Variants in TMEM108 observed in about 807,000 individuals in gnomAD.
TMEM108 encodes transmembrane protein 108, also known as cancer/testis antigen 124.
In TMEM108, 12 loss-of-function variants were observed where a neutral mutation model predicts 35.1. The ratio of observed to expected loss-of-function variants is 0.34; its 90% CI spans 0.22 to 0.55. TMEM108 has a LOEUF of 0.55. Among genes scored for constraint, TMEM108 ranks in the 20% least tolerant of loss-of-function variants. The pLI is 0.89. For missense variants in TMEM108, 680 were observed against 753.3 expected, an observed-to-expected ratio of 0.90 and a Z score of 1.14; for synonymous variants, 287 against 308.6, an observed-to-expected ratio of 0.93 and a Z score of 0.73.
At chr3:133,081,775 G>T (rs1943814071) in intron 2 of TMEM108, among the ~76,000 whole-genome samples, 1 of 152,190 alleles carries the variant, frequency 6.6e-6, no homozygotes, top group Non-Finnish European at 1.5e-5. Context: ...AAAAGAGTAG[G>T]TAGGGAAACT....
intron 3 of TMEM108, among the ~76,000 whole-genome samples, chr3:133,269,216 G>A (rs2107680800): frequency 6.6e-6 from 1 of 152,282 alleles, no homozygotes. Flanking sequence ...TATGCTGCTA[G>A]TTCTGCAAAG....
At chr3:133,072,003 G>A (rs146037545) in intron 2 of TMEM108, among the ~76,000 whole-genome samples, 3 of 152,202 alleles carry the variant, frequency 2.0e-5, no homozygotes, top group African/African-American at 7.2e-5. Context: ...GGTATATGAT[G>A]TAAGACAAGC....
intron 1 of TMEM108, among the ~76,000 whole-genome samples, chr3:133,039,717 C>G (rs761427901): frequency 2.0e-5 from 3 of 152,174 alleles, no homozygotes; most frequent in East Asian, 3.8e-4. Flanking sequence ...TTACTGTGTT[C>G]TGGACTTTCC....
At chr3:133,166,042 G>A (rs2107784561) in intron 2 of TMEM108, among the ~76,000 whole-genome samples, 1 of 152,336 alleles carries the variant, frequency 6.6e-6, no homozygotes, top group African/African-American at 2.4e-5. Context: ...CAATAAAGCT[G>A]TATTTATGGC....
At position 133,240,088 on chromosome 3, in the gene TMEM108, G is replaced by A. The variant is rs372345251; in HGVS notation, c.40+10737G>A. Among the ~76,000 whole-genome samples, 191 of 152,314 alleles carry A rather than the reference G, an allele frequency of 1.3e-3. 3 individuals carry two copies. In the South Asian group the frequency reaches 0.015, roughly 12 times the overall value. ...TGCTTATTGCAGCTGTCTCATTTTA[G>A]AACTTGATTTTATAAGACTTTTTTT... On this transcript the variant is annotated intron_variant, in intron 3 of 5. Coordinates refer to ENST00000321871, the MANE Select transcript of TMEM108 (RefSeq NM_023943.4).
At chr3:133,389,427 C>A (rs890663989) in intron 4 of TMEM108, 2 of 982,558 alleles carry the variant, frequency 2.0e-6, no homozygotes, top group African/African-American at 3.5e-5. Context: ...CACCTGTAAT[C>A]AATCCCAGCA....
At chr3:133,091,368 C>T (rs1463945936) in intron 2 of TMEM108, among the ~76,000 whole-genome samples, 1 of 152,154 alleles carries the variant, frequency 6.6e-6, no homozygotes, top group East Asian at 1.9e-4. Context: ...TAACCACAAA[C>T]CAGGCCAAGG....
intron 3 of TMEM108, among the ~76,000 whole-genome samples, chr3:133,241,034 G>A (rs1256818774): frequency 6.6e-6 from 1 of 151,770 alleles, no homozygotes; most frequent in African/African-American, 2.4e-5. Flanking sequence ...CATGAATTGG[G>A]GCTATTTTTA....
chr3:133,173,588 A>C (rs1159060940), intron 2 of TMEM108, among the ~76,000 whole-genome samples: 1 of 152,252 alleles, frequency 6.6e-6, no homozygotes, highest in African/African-American at 2.4e-5. Flanking sequence ...CACATTAATG[A>C]GGTAGCATGC....
chr3:133,325,781 G>GTA (rs146451604), intron 3 of TMEM108, among the ~76,000 whole-genome samples: 1,867 of 151,086 alleles, frequency 0.012, 15 homozygotes, highest in South Asian at 0.023. Flanking sequence ...GTATATGTGT[G>GTA]TATATATATG....
chr3:133,382,637 C>T (rs1033062513), intron 4 of TMEM108, among the ~76,000 whole-genome samples: 1 of 152,240 alleles, frequency 6.6e-6, no homozygotes, highest in Non-Finnish European at 1.5e-5. Context: ...GGCTTCAGGT[C>T]ATACATAGGC....
At chr3:133,048,042 T>C (rs914961633) in intron 2 of TMEM108, among the ~76,000 whole-genome samples, 2 of 152,148 alleles carry the variant, frequency 1.3e-5, no homozygotes, top group Non-Finnish European at 2.9e-5. Context: ...AAGGGCTTCA[T>C]GTTCTGGTTC....
At chr3:133,330,755 TG>T (rs2071384814) in intron 3 of TMEM108, among the ~76,000 whole-genome samples, 1 of 152,174 alleles carries the variant, frequency 6.6e-6, no homozygotes, top group African/African-American at 2.4e-5. Flanking sequence ...AAATTGCATC[TG>T]TTTTTTTAAT....
intron 3 of TMEM108, among the ~76,000 whole-genome samples, chr3:133,272,314 T>C (rs959692180): frequency 2.8e-5 from 4 of 141,788 alleles, no homozygotes; most frequent in Non-Finnish European, 4.8e-5. Context: ...TGTGTGTGTT[T>C]CCTAAAGGAG....
chr3:133,387,751 A>G (rs1472295557), intron 4 of TMEM108: 3 of 842,938 alleles, frequency 3.6e-6, no homozygotes, highest in South Asian at 1.1e-4. Context: ...AATCTTCCCA[A>G]GGAAGCTGAC....
chr3:133,106,536 T>C (rs1944155654), intron 2 of TMEM108, among the ~76,000 whole-genome samples: 1 of 152,172 alleles, frequency 6.6e-6, no homozygotes, highest in African/African-American at 2.4e-5. Flanking sequence ...ACTCACACTT[T>C]TGTGTAGTTT....
chr3:133,140,665 C>T (rs777181125), intron 2 of TMEM108, among the ~76,000 whole-genome samples: 3 of 152,058 alleles, frequency 2.0e-5, no homozygotes, highest in Admixed American at 6.6e-5. Flanking sequence ...AATTGGTTGC[C>T]GTGATCTCAA....
chr3:133,358,517 C>T (rs973667089), intron 3 of TMEM108, among the ~76,000 whole-genome samples: 5 of 152,050 alleles, frequency 3.3e-5, no homozygotes, highest in Admixed American at 1.3e-4. Context: ...AGCCCAAAAG[C>T]CTCCATTATG....
intron 3 of TMEM108, among the ~76,000 whole-genome samples, chr3:133,265,300 T>G (rs909076846): frequency 1.3e-5 from 2 of 152,216 alleles, no homozygotes; most frequent in African/African-American, 4.8e-5. Context: ...GGTTTGATGT[T>G]CTACCTTGAA....
Sources: gnomAD v4.1 joint callset for allele counts (sites outside exome capture counted in the v4.1 genomes callset) on GRCh38, gnomAD v4.1.1 for gene constraint, MANE v1.5 for transcripts, NCBI Gene and HGNC (gene_info 2026-07-23, HGNC 2026-07-21) for gene names.